ZZEF1: variants seen among roughly 807,000 people sequenced by gnomAD.
The protein encoded by ZZEF1 is zinc finger ZZ-type and EF-hand domain containing 1.
Under a neutral mutation model 342.8 loss-of-function variants are expected in ZZEF1, and 157 were observed. The ratio of observed to expected loss-of-function variants is 0.46; its 90% CI spans 0.40 to 0.52. The LOEUF (loss-of-function observed/expected upper bound fraction) is 0.52. ZZEF1 is among the 20% of genes least tolerant of loss of function. ZZEF1 has a pLI of 0.00. For missense variants in ZZEF1, 3,480 were observed against 3,725.6 expected (o/e 0.93, Z 1.72); for synonymous variants, 1,505 against 1,429.1 (o/e 1.05, Z -1.20).
At chr17:4,111,637 C>T (rs931714537) in intron 5 of ZZEF1, among the ~76,000 whole-genome samples, 24 of 141,594 alleles carry the variant, frequency 1.7e-4, no homozygotes, top group Admixed American at 1.4e-3. Flanking sequence ...CCAGCCCAGG[C>T]GACAATGCGA....
intron 1 of ZZEF1, among the ~76,000 whole-genome samples, chr17:4,133,213 A>G (rs2058697460): frequency 6.6e-6 from 1 of 152,098 alleles, no homozygotes; most frequent in Non-Finnish European, 1.5e-5. Context: ...ATATTTGGGC[A>G]CTCGTTAAAT....
intron 1 of ZZEF1, among the ~76,000 whole-genome samples, chr17:4,128,768 A>ATTTT (rs71144169): frequency 1.0e-5 from 1 of 98,232 alleles, no homozygotes; most frequent in African/African-American, 3.7e-5. Context: ...GGCCAAAATC[A>ATTTT]TTTTTTTTTT....
intron 2 of ZZEF1, among the ~76,000 whole-genome samples, chr17:4,120,067 T>C (rs117096286): frequency 0.01 from 1,556 of 152,168 alleles, 54 homozygotes; most frequent in East Asian, 0.095. Context: ...AAAATTCTGT[T>C]CCTCAAAGAC....
chr17:4,061,751 G>GT (rs1172392465), intron 30 of ZZEF1, among the ~76,000 whole-genome samples: 4 of 151,770 alleles, frequency 2.6e-5, no homozygotes, highest in Non-Finnish European at 4.4e-5. Context: ...TTATCCAACC[G>GT]TAAGTCCTGA....
intron 34 of ZZEF1, among the ~76,000 whole-genome samples, chr17:4,053,451 C>A (rs1303231349): frequency 6.6e-6 from 1 of 152,252 alleles, no homozygotes; most frequent in African/African-American, 2.4e-5. Context: ...CACGAGCCTT[C>A]CCTGCAGCAA....
At chr17:4,076,523 C>T (rs986951202) in intron 21 of ZZEF1, 114 bp downstream of exon 21, 2 of 1,345,826 alleles carry the variant, frequency 1.5e-6, no homozygotes, top group African/African-American at 2.9e-5. Flanking sequence ...ATCAAGGGAG[C>T]CTTCTAGAGG....
chr17:4,034,948 T>C (rs2056629129), intron 39 of ZZEF1, among the ~76,000 whole-genome samples: 1 of 152,180 alleles, frequency 6.6e-6, no homozygotes, highest in Non-Finnish European at 1.5e-5. Flanking sequence ...CAGTGAGCCA[T>C]GGTCATGCCA....
At chr17:4,106,093 G>A (rs2058208511) in intron 6 of ZZEF1, among the ~76,000 whole-genome samples, 1 of 152,126 alleles carries the variant, frequency 6.6e-6, no homozygotes, top group Non-Finnish European at 1.5e-5. Context: ...AGGATTACAG[G>A]AGCCCGCCAC....
chr17:4,128,216 C>T (rs28374751), intron 1 of ZZEF1, among the ~76,000 whole-genome samples: 23,398 of 151,300 alleles, frequency 0.15, 1,976 homozygotes, highest in African/African-American at 0.22. Flanking sequence ...GGTGTGGTGG[C>T]GCGTGCATGT....
intron 8 of ZZEF1, among the ~76,000 whole-genome samples, chr17:4,104,360 A>G (rs1240690472): frequency 6.6e-6 from 1 of 152,132 alleles, no homozygotes; most frequent in Non-Finnish European, 1.5e-5. Flanking sequence ...GACCTGAGTA[A>G]TTTTGCAAGC....
Position 4,075,433 on chromosome 17 carries a change from T to C in ZZEF1, c.3235-4A>G. On this transcript the variant is annotated splice_region_variant and splice_polypyrimidine_tract_variant and intron_variant, in intron 21 of 54. Transcript: ENST00000381638. ...GTTGCCAGGTCTCAACATCCAGCTA[T>C]GATAACAAATGAGCCAGGGGAAAGA... 5 of 1,612,910 alleles carry C rather than the reference T, an allele frequency of 3.1e-6. No individual in the cohort carries two copies. The highest frequency in any genetic ancestry group is 4.2e-6 in the Non-Finnish European group (5 of 1,179,348).
chr17:4,121,689 C>T (rs542095074), intron 2 of ZZEF1, among the ~76,000 whole-genome samples: 25 of 151,342 alleles, frequency 1.7e-4, no homozygotes, highest in African/African-American at 5.8e-4. Flanking sequence ...TATAACATTA[C>T]ATAATTAAAG....
At chr17:4,052,296 G>A (rs2057065625) in intron 34 of ZZEF1, among the ~76,000 whole-genome samples, 160 bp from the exon 35 acceptor site, 1 of 152,210 alleles carries the variant, frequency 6.6e-6, no homozygotes, top group South Asian at 2.1e-4. Flanking sequence ...CTCTGCCTGG[G>A]TGGCTCAAGG....
At chr17:4,064,066 G>A (rs190221478) in intron 29 of ZZEF1, among the ~76,000 whole-genome samples, 3,251 of 151,098 alleles carry the variant, frequency 0.022, 116 homozygotes, top group African/African-American at 0.073. Flanking sequence ...TAGATGGAGG[G>A]GGGGGGGTCT....
chr17:4,124,603 A>G (rs1297785486), intron 1 of ZZEF1, among the ~76,000 whole-genome samples: 2 of 128,594 alleles, frequency 1.6e-5, no homozygotes, highest in Non-Finnish European at 3.2e-5. Flanking sequence ...CCACAACGCC[A>G]AGCTGATTTT....
chr17:4,011,479 G>T (rs958792934), intron 52 of ZZEF1, among the ~76,000 whole-genome samples: 29 of 151,910 alleles, frequency 1.9e-4, no homozygotes, highest in Non-Finnish European at 1.8e-4. Context: ...TGCTTGCAAG[G>T]TTGCTCAGGC....
chr17:4,070,000 C>T (rs979082822), intron 26 of ZZEF1, among the ~76,000 whole-genome samples: 14 of 152,174 alleles, frequency 9.2e-5, no homozygotes, highest in African/African-American at 3.4e-4. Context: ...CACTTTTCCC[C>T]TGAATTAGTA....
chr17:4,024,186 G>GCTTTTTTT (rs2056343802), intron 43 of ZZEF1, among the ~76,000 whole-genome samples: 1 of 94,408 alleles, frequency 1.1e-5, no homozygotes, highest in South Asian at 3.8e-4. Flanking sequence ...TATTGCCCAG[G>GCTTTTTTT]TTTTTTTTTT....
chr17:4,115,213 A>T (rs2058375558), intron 3 of ZZEF1, among the ~76,000 whole-genome samples: 1 of 151,954 alleles, frequency 6.6e-6, no homozygotes, highest in Non-Finnish European at 1.5e-5. Context: ...TTTTGGAGAG[A>T]TGGGGTCATC....
Sources: allele counts gnomAD v4.1 joint callset (sites outside exome capture counted in the v4.1 genomes callset), GRCh38; gene constraint gnomAD v4.1.1; transcripts MANE v1.5; gene names NCBI Gene and HGNC (gene_info 2026-07-23, HGNC 2026-07-21).